The following CNTN4 variants were observed in gnomAD, a reference collection of about 807,000 sequenced individuals.
CNTN4 encodes the protein contactin-4.
In CNTN4, 77 loss-of-function variants were observed where a neutral mutation model predicts 122.5. The ratio of observed to expected loss-of-function variants is 0.63; its 90% CI spans 0.52 to 0.76. The LOEUF (loss-of-function observed/expected upper bound fraction) is 0.76, where lower values mean the gene tolerates loss of function less well. Ranked by LOEUF, CNTN4 falls within the 30% of genes least tolerant of loss-of-function variation. CNTN4 has a pLI of 0.00. For synonymous variants in CNTN4, 512 were observed against 447.0 expected (o/e 1.15, Z -1.83); for missense variants, 1,256 against 1,259.1 (o/e 1.00, Z 0.04).
intron 4 of CNTN4, among the ~76,000 whole-genome samples, chr3:2,656,069 T>G (rs1477211838): frequency 1.3e-5 from 2 of 152,198 alleles, no homozygotes; most frequent in Non-Finnish European, 1.5e-5. Context: ...CCTCGAGGCA[T>G]TAGAATTGTA....
intron 3 of CNTN4, among the ~76,000 whole-genome samples, chr3:2,562,656 A>G (rs1281831645): frequency 6.6e-6 from 1 of 151,646 alleles, no homozygotes; most frequent in Non-Finnish European, 1.5e-5. Context: ...TTCTATGACC[A>G]TGAATAGTGC....
Position 2,098,874 on chromosome 3 carries a change from C to A in CNTN4, c.-331C>A, listed in dbSNP as rs1344284801. On this transcript the variant is annotated 5_prime_UTR_variant, in exon 1 of 25. Coordinates refer to ENST00000418658, the MANE Select transcript of CNTN4 (RefSeq NM_175607.3). ...GCCAGACGGAGCCCGGGGTTCGACG[C>A]CAGGATTGGCTGCAAGTAGGGAGCT... 6.6e-6 allele frequency: 1 copy of A among 152,176 alleles called. No homozygotes were observed. The highest frequency in any genetic ancestry group is 6.5e-5 in the Admixed American group (1 of 15,284). The allele number at this position is 152,176 out of a possible 1,614,324, so 9.4% of individuals were successfully genotyped here.
intron 6 of CNTN4, among the ~76,000 whole-genome samples, chr3:2,779,932 G>T (rs7652782): frequency 5.9e-5 from 9 of 152,056 alleles, no homozygotes; most frequent in Admixed American, 3.3e-4. Flanking sequence ...TCATACCAAC[G>T]TCAGATAGTG....
At chr3:3,031,590 C>A (rs1423595553) in intron 16 of CNTN4, among the ~76,000 whole-genome samples, 1 of 151,902 alleles carries the variant, frequency 6.6e-6, no homozygotes, top group African/African-American at 2.4e-5. Flanking sequence ...CTATGACCCC[C>A]CCGGCTGAGC....
At chr3:2,360,433 C>T (rs924045231) in intron 3 of CNTN4, among the ~76,000 whole-genome samples, 18 of 152,070 alleles carry the variant, frequency 1.2e-4, no homozygotes, top group African/African-American at 4.3e-4. Flanking sequence ...TAATTTTGTC[C>T]GTATTTCAGT....
At chr3:2,719,118 A>C (rs2675287) in intron 4 of CNTN4, among the ~76,000 whole-genome samples, 8,440 of 152,260 alleles carry the variant, frequency 0.055, 580 homozygotes, top group African/African-American at 0.16. Flanking sequence ...TGTTCAATGA[A>C]GGAAGGGAGG....
intron 13 of CNTN4, among the ~76,000 whole-genome samples, chr3:2,958,233 G>T (rs1368444978): frequency 6.6e-6 from 1 of 152,184 alleles, no homozygotes; most frequent in Non-Finnish European, 1.5e-5. Flanking sequence ...AGGAAAGAAA[G>T]TGCCAGTTAA....
intron 2 of CNTN4, among the ~76,000 whole-genome samples, chr3:2,182,268 C>T (rs546128135): frequency 1.3e-5 from 2 of 151,720 alleles, no homozygotes; most frequent in Non-Finnish European, 2.9e-5. Context: ...TGTCTTTTTA[C>T]ACACACACAC....
intron 6 of CNTN4, among the ~76,000 whole-genome samples, chr3:2,764,924 A>T (rs2149718977): frequency 6.6e-6 from 1 of 152,312 alleles, no homozygotes; most frequent in Non-Finnish European, 1.5e-5. Context: ...CACAGCTGGG[A>T]AGTTGAAGGG....
chr3:2,447,758 A>G (rs560738791), intron 3 of CNTN4, among the ~76,000 whole-genome samples: 37 of 152,256 alleles, frequency 2.4e-4, no homozygotes, highest in South Asian at 1.2e-3. Context: ...TCTATACTCA[A>G]TACATATTTT....
At chr3:2,952,154 G>A (rs905325534) in intron 13 of CNTN4, among the ~76,000 whole-genome samples, 1 of 152,196 alleles carries the variant, frequency 6.6e-6, no homozygotes, top group Non-Finnish European at 1.5e-5. Context: ...GAAAGAGGAT[G>A]AGCATAAGAT....
In CNTN4 at chr3:2,376,055, T is replaced by A. The variant is rs1264057566; in HGVS notation, c.-89+36822T>A. ...ACCCTACATGAAAGCTATTTCCTAC[T>A]GCTTGTGAAAGAAAAAAAATATGAA... On this transcript the variant is annotated intron_variant, in intron 3 of 24. Transcript: ENST00000418658. 6.4e-4 allele frequency among the ~76,000 whole-genome samples: 97 copies of A among 152,152 alleles called. 1 individual carries two copies. Among genetic ancestry groups the A allele is most frequent in the Admixed American group, 6.4e-3 (97 of 15,274 alleles).
At chr3:2,840,667 C>T (rs1356248447) in intron 7 of CNTN4, among the ~76,000 whole-genome samples, 1 of 148,122 alleles carries the variant, frequency 6.8e-6, no homozygotes, top group Admixed American at 6.9e-5. Flanking sequence ...CCACTGCACT[C>T]CAGCCTGGGC....
Position 2,109,190 on chromosome 3 carries a change from A to C in CNTN4, c.-145+8551A>C, listed in dbSNP as rs370763480. On this transcript the variant is annotated intron_variant, in intron 2 of 24. Transcript: ENST00000418658. ...AGTTCGGAAAGAGAAAATATTTTCC[A>C]TGTTTAGGCAAGGTCAGTATTGGTG... is the stretch of plus-strand genomic sequence containing the variant. 8.5e-5 allele frequency among the ~76,000 whole-genome samples: 13 copies of C among 152,312 alleles called. 1 individual carries two copies. The East Asian group carries it at 2.3e-3, about 27-fold the overall frequency.
chr3:2,930,991 T>A (rs1002395002), intron 13 of CNTN4, among the ~76,000 whole-genome samples: 25 of 152,228 alleles, frequency 1.6e-4, no homozygotes, highest in African/African-American at 6.0e-4. Context: ...TTGTATTTTA[T>A]GTCTGTGGAG....
intron 3 of CNTN4, among the ~76,000 whole-genome samples, chr3:2,565,102 A>G (rs1385495955): frequency 6.6e-6 from 1 of 152,090 alleles, no homozygotes; most frequent in Admixed American, 6.6e-5. Context: ...TATGATGGAA[A>G]CGGTGTCTAA....
At chr3:2,187,492 A>G (rs1411223644) in intron 2 of CNTN4, among the ~76,000 whole-genome samples, 2 of 152,120 alleles carry the variant, frequency 1.3e-5, no homozygotes, top group Admixed American at 6.6e-5. Flanking sequence ...CGCCTCTGCT[A>G]TGGCTGGAGT....
At chr3:3,016,701 T>C (rs555852064) in intron 14 of CNTN4, among the ~76,000 whole-genome samples, 1 of 152,282 alleles carries the variant, frequency 6.6e-6, no homozygotes, top group South Asian at 2.1e-4. Flanking sequence ...CAGGCAGATC[T>C]AATAACTTTG....
chr3:2,569,201 C>T (rs1201839900), intron 3 of CNTN4, among the ~76,000 whole-genome samples: 1 of 152,162 alleles, frequency 6.6e-6, no homozygotes, highest in African/African-American at 2.4e-5. Flanking sequence ...AGAAACTAAG[C>T]TATTTAAGGG....
Sources: gnomAD v4.1 joint callset for allele counts (sites outside exome capture counted in the v4.1 genomes callset) on GRCh38, gnomAD v4.1.1 for gene constraint, MANE v1.5 for transcripts, NCBI Gene and HGNC (gene_info 2026-07-23, HGNC 2026-07-21) for gene names.